Variants in PDPN observed in about 807,000 individuals in gnomAD.
The protein encoded by PDPN is podoplanin.
A neutral mutation model predicts 23.2 loss-of-function variants in PDPN; 12 were observed. That is an observed-to-expected ratio of 0.52 (90% CI 0.33 to 0.84). The LOEUF is 0.84. Among genes scored for constraint, PDPN ranks in the 40% least tolerant of loss-of-function variants. The probability of loss-of-function intolerance (pLI) is 0.02; values close to 1 mark genes in which losing one functional copy is unlikely to be tolerated. For missense variants in PDPN, 199 were observed against 212.2 expected (o/e 0.94, Z 0.39); for synonymous variants, 77 against 76.7 (o/e 1.00, Z -0.02).
intron 2 of PDPN, among the ~76,000 whole-genome samples, chr1:13,609,637 T>C (rs1167681521): frequency 6.6e-6 from 1 of 152,216 alleles, no homozygotes; most frequent in African/African-American, 2.4e-5. Context: ...TTCTATCTTA[T>C]GAATTTGACT....
intron 3 of PDPN, among the ~76,000 whole-genome samples, chr1:13,613,080 T>A (rs1640976784): frequency 6.6e-6 from 1 of 152,164 alleles, no homozygotes; most frequent in Non-Finnish European, 1.5e-5. Flanking sequence ...TAGACTGGGT[T>A]TGACTGCAGA....
At chr1:13,601,042 C>G (rs963732498) in intron 1 of PDPN, among the ~76,000 whole-genome samples, 4 of 152,198 alleles carry the variant, frequency 2.6e-5, no homozygotes, top group Admixed American at 2.0e-4. Context: ...GAGGTGTCTT[C>G]CACGTTAAGT....
chr1:13,608,332 A>G (rs1640846037), intron 2 of PDPN, among the ~76,000 whole-genome samples: 1 of 152,212 alleles, frequency 6.6e-6, no homozygotes, highest in African/African-American at 2.4e-5. Context: ...GAGGAGGTCA[A>G]TGAGCCACAT....
At chr1:13,605,773 A>G (rs1169820396) in intron 1 of PDPN, among the ~76,000 whole-genome samples, 1 of 151,404 alleles carries the variant, frequency 6.6e-6, no homozygotes, top group Non-Finnish European at 1.5e-5. Context: ...CAGGCATGCA[A>G]CCCCATGCCC....
chr1:13,597,593 A>G lies in PDPN; in HGVS notation c.68-9580A>G, dbSNP rs562566783. On this transcript the variant is annotated intron_variant, in intron 1 of 5. Transcript: ENST00000621990. The stretch of plus-strand genomic sequence containing the variant: ...AGCTCTTTAGCTAAATTTTATGTAG[A>G]GGACTTAACGAGAGGAAGTCCCCAT... Among the ~76,000 whole-genome samples the G allele has an allele frequency of 6.8e-4, 104 of 152,356 alleles. No individual in the cohort carries two copies. The Middle Eastern group carries it at 0.014, about 20-fold the overall frequency.
Position 13,595,765 on chromosome 1 carries a change from C to G in PDPN, c.68-11408C>G, listed in dbSNP as rs563838077. The stretch of plus-strand genomic sequence containing the variant: ...GCTCACACGAAATTGAACGGCAGGG[C>G]AGCCAAGTTCCCCTTTGCAGGTGCC... On this transcript the variant is annotated intron_variant, in intron 1 of 5. Transcript: ENST00000621990. 1.8e-5 allele frequency: 14 copies of G among 761,282 alleles called. No individual in the cohort carries two copies. The Admixed American group carries it at 3.3e-4, about 18-fold the overall frequency. The allele number at this position is 761,282 out of a possible 1,614,324, so 47.2% of individuals were successfully genotyped here.
At chr1:13,585,880 T>TG (rs1640165221) in intron 1 of PDPN, among the ~76,000 whole-genome samples, 1 of 152,100 alleles carries the variant, frequency 6.6e-6, no homozygotes, top group African/African-American at 2.4e-5. Context: ...GGAGCTGGGC[T>TG]GGGGGGTAAT....
In PDPN at chr1:13,610,260, A is replaced by G. The variant is rs1640898726; in HGVS notation, c.202-127A>G. ...CTAATTGTTCTGTTCATTTTCTTCT[A>G]CTTGCAATTCATGCCATCATATGTT... On this transcript the variant is annotated intron_variant, in intron 2 of 5. Coordinates refer to ENST00000621990, the MANE Select transcript of PDPN (RefSeq NM_006474.5). 4 of 689,424 alleles carry G rather than the reference A, an allele frequency of 5.8e-6. No individual in the cohort carries two copies. In the Admixed American group the frequency reaches 1.2e-4, roughly 20 times the overall value. 42.7% of individuals were successfully genotyped at this position (689,424 alleles called of 1,614,324 possible). A position where few individuals can be genotyped will look rare whatever the true frequency, so the allele number is the denominator to read the frequency against.
intron 1 of PDPN, chr1:13,584,372 C>T (rs1640120328): frequency 7.1e-7 from 1 of 1,404,244 alleles, no homozygotes; most frequent in Non-Finnish European, 9.4e-7. Context: ...CCCTCCGAGT[C>T]GGCAGCACCA....
intron 1 of PDPN, among the ~76,000 whole-genome samples, chr1:13,604,516 AAAGAAC>A (rs1378607972): frequency 2.6e-5 from 4 of 152,362 alleles, no homozygotes; most frequent in African/African-American, 9.6e-5. Context: ...CAAGGGTAGA[AAAGAAC>A]AAGAAGGAAT....
At chr1:13,607,057 A>T (rs1219519028) in intron 1 of PDPN, 116 bp from the exon 2 acceptor site, 11 of 1,281,224 alleles carry the variant, frequency 8.6e-6, no homozygotes, top group Non-Finnish European at 1.1e-5. Context: ...AAGGACCAAA[A>T]ATAAAACAAA....
chr1:13,609,269 T>G (rs1319037282), intron 2 of PDPN, among the ~76,000 whole-genome samples: 1 of 152,118 alleles, frequency 6.6e-6, no homozygotes, highest in Non-Finnish European at 1.5e-5. Flanking sequence ...CAAAATCATA[T>G]CAAACCACCC....
chr1:13,601,648 C>T (rs1434963115), intron 1 of PDPN, among the ~76,000 whole-genome samples: 1 of 152,190 alleles, frequency 6.6e-6, no homozygotes, highest in East Asian at 1.9e-4. Context: ...TGAGCCACTG[C>T]ACCCAGCCAT....
intron 1 of PDPN, among the ~76,000 whole-genome samples, chr1:13,598,009 C>CT (rs1429971817): frequency 2.6e-5 from 4 of 151,542 alleles, no homozygotes; most frequent in South Asian, 2.1e-4. Flanking sequence ...CATTTCTTTT[C>CT]TTTTTTTTCT....
At chr1:13,598,533 T>TA (rs1007228522) in intron 1 of PDPN, among the ~76,000 whole-genome samples, 8 of 152,276 alleles carry the variant, frequency 5.3e-5, no homozygotes, top group African/African-American at 1.9e-4. Context: ...TTACTTGACT[T>TA]AGAGTGGCCT....
intron 1 of PDPN, chr1:13,585,378 C>A (rs1640148450): frequency 3.1e-6 from 2 of 649,306 alleles, no homozygotes; most frequent in South Asian, 3.8e-5. Context: ...TTATAGGGGC[C>A]GTGGGTTATT....
At chr1:13,611,160 A>G (rs934591329) in intron 3 of PDPN, among the ~76,000 whole-genome samples, 7 of 151,892 alleles carry the variant, frequency 4.6e-5, no homozygotes, top group South Asian at 2.1e-4. Flanking sequence ...GGTGGAGCTT[A>G]CAGTGAGCCC....
intron 1 of PDPN, among the ~76,000 whole-genome samples, chr1:13,597,321 A>G (rs1430975180): frequency 1.3e-5 from 2 of 152,230 alleles, no homozygotes; most frequent in East Asian, 3.8e-4. Context: ...AGGGCAGCGC[A>G]AGATGCTACA....
At chr1:13,607,892 G>A (rs1484366221) in intron 2 of PDPN, among the ~76,000 whole-genome samples, 1 of 152,114 alleles carries the variant, frequency 6.6e-6, no homozygotes, top group Non-Finnish European at 1.5e-5. Context: ...ATCACCTGAG[G>A]TCAGGAGTTC....
Sources: allele counts gnomAD v4.1 joint callset (sites outside exome capture counted in the v4.1 genomes callset), GRCh38; gene constraint gnomAD v4.1.1; transcripts MANE v1.5; gene names NCBI Gene and HGNC (gene_info 2026-07-23, HGNC 2026-07-21).